The following CNBD1 variants were observed in gnomAD, a reference collection of about 807,000 sequenced individuals.
CNBD1 encodes cyclic nucleotide-binding domain-containing protein 1.
A neutral mutation model predicts 54.4 loss-of-function variants in CNBD1; 71 were observed. The ratio of observed to expected loss-of-function variants is 1.30; its 90% CI spans 1.08 to 1.59. The LOEUF is 1.59. CNBD1 is among the 40% of genes most tolerant of loss of function. CNBD1 has a pLI of 0.00. For missense variants in CNBD1, 659 were observed against 518.0 expected, an observed-to-expected ratio of 1.27 and a Z score of -2.64; for synonymous variants, 182 against 170.7, an observed-to-expected ratio of 1.07 and a Z score of -0.51.
intron 3 of CNBD1, among the ~76,000 whole-genome samples, chr8:86,912,805 G>C (rs918859182): frequency 6.6e-6 from 1 of 152,144 alleles, no homozygotes. Context: ...AGCTCTGTGT[G>C]TGTTATTGTC....
At chr8:87,373,191 T>TTA (rs1372301170) in intron 10 of CNBD1, among the ~76,000 whole-genome samples, 2 of 151,748 alleles carry the variant, frequency 1.3e-5, no homozygotes, top group African/African-American at 2.4e-5. Flanking sequence ...AAAGCAAATG[T>TTA]TATTGAAAAG....
intron 2 of CNBD1, among the ~76,000 whole-genome samples, chr8:87,391,871 G>A (rs1811316376): frequency 6.6e-6 from 1 of 152,028 alleles, no homozygotes; most frequent in Admixed American, 6.6e-5. Flanking sequence ...CTTTTGTGCT[G>A]CAAATGACAC....
intron 3 of CNBD1, among the ~76,000 whole-genome samples, chr8:86,938,800 A>C (rs1380622531): frequency 6.6e-6 from 1 of 152,234 alleles, no homozygotes; most frequent in East Asian, 1.9e-4. Flanking sequence ...TGTGCATATA[A>C]GGTTACCAGA....
intron 10 of CNBD1, among the ~76,000 whole-genome samples, chr8:87,362,397 C>A (rs1810539697): frequency 6.6e-6 from 1 of 152,098 alleles, no homozygotes; most frequent in Non-Finnish European, 1.5e-5. Context: ...CTATTGTACA[C>A]ACTGCCCCTT....
intron 3 of CNBD1, among the ~76,000 whole-genome samples, chr8:86,928,119 C>A (rs1056192364): frequency 6.6e-6 from 1 of 152,078 alleles, no homozygotes; most frequent in Non-Finnish European, 1.5e-5. Context: ...GTTGGAACAG[C>A]TCTGTTCCCT....
intron 4 of CNBD1, among the ~76,000 whole-genome samples, chr8:87,020,101 C>A (rs1809451839): frequency 6.6e-6 from 1 of 152,032 alleles, no homozygotes; most frequent in Non-Finnish European, 1.5e-5. Context: ...CCTTCACTAT[C>A]TTTATCATAT....
chr8:86,872,440 T>C (rs1440227760), intron 1 of CNBD1, among the ~76,000 whole-genome samples: 2 of 152,312 alleles, frequency 1.3e-5, no homozygotes, highest in Admixed American at 6.5e-5. Context: ...ATGTAGTCAC[T>C]ATAGAGGCAG....
Position 86,908,860 on chromosome 8 carries a change from G to A in CNBD1, c.272+3666G>A, listed in dbSNP as rs1371281779. ...GGCTCACTGCAACCTCCGCCTCCCA[G>A]GTTCAAGTGATTCTCCAGCCTCAGC... On this transcript the variant is annotated intron_variant, in intron 3 of 10. Coordinates refer to ENST00000518476, the MANE Select transcript of CNBD1 (RefSeq NM_173538.3). 2.1e-5 allele frequency among the ~76,000 whole-genome samples: 3 copies of A among 146,234 alleles called. No individual in the cohort carries two copies. The Admixed American group carries it at 2.1e-4, about 10-fold the overall frequency.
intron 4 of CNBD1, among the ~76,000 whole-genome samples, chr8:87,134,865 T>C (rs1812195460): frequency 6.6e-6 from 1 of 151,972 alleles, no homozygotes; most frequent in South Asian, 2.1e-4. Flanking sequence ...CGCCTCAGCC[T>C]CCCAAAGTGC....
chr8:87,129,094 A>AAAAAAAAT (rs1491092510), intron 4 of CNBD1, among the ~76,000 whole-genome samples: 1 of 136,292 alleles, frequency 7.3e-6, no homozygotes, highest in Non-Finnish European at 1.5e-5. Context: ...AAAAAAAAGA[A>AAAAAAAAT]TTTTGCTATC....
At chr8:87,064,327 G>T (rs1273001575) in intron 4 of CNBD1, among the ~76,000 whole-genome samples, 1 of 151,262 alleles carries the variant, frequency 6.6e-6, no homozygotes, top group Non-Finnish European at 1.5e-5. Context: ...TTTATTATAT[G>T]GTTATCCAAT....
At chr8:86,922,882 C>G (rs1320514733) in intron 3 of CNBD1, among the ~76,000 whole-genome samples, 1 of 151,854 alleles carries the variant, frequency 6.6e-6, no homozygotes, top group South Asian at 2.1e-4. Flanking sequence ...AGGAAGGAAG[C>G]AAGAGGAGCC....
intron 6 of CNBD1, among the ~76,000 whole-genome samples, chr8:87,241,765 T>TA (rs1362711725): frequency 6.6e-6 from 1 of 152,036 alleles, no homozygotes; most frequent in Admixed American, 6.5e-5. Flanking sequence ...CAATACCTAT[T>TA]AAAAAAACAA....
rs368316659 is a variant in CNBD1 at position 86,903,717 on chromosome 8, A to G, written c.159-1364A>G. 1.9e-3 allele frequency among the ~76,000 whole-genome samples: 285 copies of G among 151,960 alleles called. 1 individual carries two copies. The highest frequency in any genetic ancestry group is 6.3e-3 in the African/African-American group (260 of 41,314). ...CAGAAGGGTCAATAAAGTATCTCAA[A>G]TAAAGTATATTGTCAGGTTATATAA... On this transcript the variant is annotated intron_variant, in intron 2 of 10. Coordinates refer to ENST00000518476, the MANE Select transcript of CNBD1 (RefSeq NM_173538.3).
At chr8:87,355,219 A>C (rs959420730) in intron 10 of CNBD1, among the ~76,000 whole-genome samples, 1 of 152,202 alleles carries the variant, frequency 6.6e-6, no homozygotes, top group Non-Finnish European at 1.5e-5. Flanking sequence ...TGGTGTTAGA[A>C]TATATTAGCA....
chr8:87,244,398 G>A (rs763947877), intron 6 of CNBD1, among the ~76,000 whole-genome samples: 8 of 152,120 alleles, frequency 5.3e-5, no homozygotes, highest in Non-Finnish European at 1.2e-4. Flanking sequence ...TAATTCTGGA[G>A]CTCCAAGACT....
At chr8:87,292,140 C>T (rs369483181) in intron 8 of CNBD1, among the ~76,000 whole-genome samples, 1 of 152,270 alleles carries the variant, frequency 6.6e-6, no homozygotes, top group South Asian at 2.1e-4. Context: ...ATTGATAAAT[C>T]TCCTGATTAA....
chr8:87,213,602 C>G (rs1002262972), intron 5 of CNBD1, among the ~76,000 whole-genome samples: 1 of 152,170 alleles, frequency 6.6e-6, no homozygotes, highest in Non-Finnish European at 1.5e-5. Context: ...ATTCAAATAT[C>G]TCACACTGAG....
chr8:86,876,333 TC>T (rs1283634816), intron 1 of CNBD1, among the ~76,000 whole-genome samples: 3 of 152,040 alleles, frequency 2.0e-5, no homozygotes, highest in Non-Finnish European at 4.4e-5. Context: ...CCTTAAAAAA[TC>T]ATTTTTGTTT....
Sources: gnomAD v4.1 joint callset for allele counts (sites outside exome capture counted in the v4.1 genomes callset) on GRCh38, gnomAD v4.1.1 for gene constraint, MANE v1.5 for transcripts, NCBI Gene and HGNC (gene_info 2026-07-23, HGNC 2026-07-21) for gene names.